Variants in ADGRL2 observed in about 807,000 individuals in gnomAD.
The protein encoded by ADGRL2 is calcium-independent alpha-latrotoxin receptor 2.
Under a neutral mutation model 157.4 loss-of-function variants are expected in ADGRL2, and 44 were observed. The ratio of observed to expected loss-of-function variants is 0.28; its 90% CI spans 0.22 to 0.36. ADGRL2 has a LOEUF of 0.36. Among genes scored for constraint, ADGRL2 ranks in the 10% least tolerant of loss-of-function variants. ADGRL2 has a pLI of 1.00. For synonymous variants in ADGRL2, 585 were observed against 624.7 expected, an observed-to-expected ratio of 0.94 and a Z score of 0.95; for missense variants, 1,510 against 1,768.9, an observed-to-expected ratio of 0.85 and a Z score of 2.63.
chr1:81,914,104 G>T (rs928198466), intron 3 of ADGRL2, among the ~76,000 whole-genome samples: 1 of 152,014 alleles, frequency 6.6e-6, no homozygotes, highest in Non-Finnish European at 1.5e-5. Context: ...AGTTCTGCCA[G>T]TGTACTCTGG....
chr1:81,874,993 C>T (rs1405729439), intron 2 of ADGRL2, among the ~76,000 whole-genome samples: 1 of 152,110 alleles, frequency 6.6e-6, no homozygotes, highest in East Asian at 1.9e-4. Flanking sequence ...TGGTATGAGC[C>T]ATCGAACCTG....
chr1:81,972,287 A>G (rs901642417), intron 17 of ADGRL2, among the ~76,000 whole-genome samples: 3 of 152,100 alleles, frequency 2.0e-5, no homozygotes, highest in Admixed American at 2.0e-4. Flanking sequence ...ATGAATTACT[A>G]TGTAATTCTA....
intron 11 of ADGRL2, among the ~76,000 whole-genome samples, chr1:81,959,997 A>T (rs1654815373): frequency 6.6e-6 from 1 of 151,912 alleles, no homozygotes; most frequent in Non-Finnish European, 1.5e-5. Context: ...ACGGGATTTC[A>T]CCATGTTGGT....
At chr1:81,402,684 T>G (rs994717637) in intron 1 of ADGRL2, among the ~76,000 whole-genome samples, 10 of 152,334 alleles carry the variant, frequency 6.6e-5, no homozygotes, top group African/African-American at 2.4e-4. Context: ...TCCTATTGTC[T>G]TCCATTTTCT....
chr1:81,620,224 T>C (rs2081760029), intron 3 of ADGRL2, among the ~76,000 whole-genome samples: 1 of 152,188 alleles, frequency 6.6e-6, no homozygotes, highest in Admixed American at 6.5e-5. Context: ...GCAATACTGG[T>C]ACATGGGTAC....
rs541766730 is a variant in ADGRL2 at position 81,753,316 on chromosome 1, G to A, written c.-142-8495G>A. ...AGAGAGCTTGTGCAGAGAAACTCCC[G>A]TTTTTAAAACCAACAGATCTTGAGA... On this transcript the variant is annotated intron_variant, in intron 1 of 20. Coordinates refer to the ADGRL2 transcript ENST00000359929. Among the ~76,000 whole-genome samples, 8 of 152,194 alleles carry A rather than the reference G, an allele frequency of 5.3e-5. No individual in the cohort carries two copies. In the South Asian group the frequency reaches 6.2e-4, roughly 12 times the overall value.
intron 1 of ADGRL2, among the ~76,000 whole-genome samples, chr1:81,826,460 A>G (rs967703234): frequency 1.3e-5 from 2 of 152,172 alleles, no homozygotes; most frequent in African/African-American, 2.4e-5. Context: ...GAGATTTATT[A>G]AGCCTGAATT....
intron 3 of ADGRL2, among the ~76,000 whole-genome samples, chr1:81,649,800 A>T (rs1432029585): frequency 6.6e-6 from 1 of 152,148 alleles, no homozygotes; most frequent in Non-Finnish European, 1.5e-5. Context: ...AGTTAAACGC[A>T]TTCTCAGCCA....
At chr1:81,750,434 T>C (rs2085452800) in intron 1 of ADGRL2, among the ~76,000 whole-genome samples, 1 of 152,130 alleles carries the variant, frequency 6.6e-6, no homozygotes, top group Non-Finnish European at 1.5e-5. Flanking sequence ...AGAGAGAAAG[T>C]ATGGCTGGGC....
At chr1:81,592,504 T>C (rs1183784033) in intron 3 of ADGRL2, among the ~76,000 whole-genome samples, 1 of 152,176 alleles carries the variant, frequency 6.6e-6, no homozygotes, top group Non-Finnish European at 1.5e-5. Context: ...CTTATTGCCA[T>C]CCACCTCCCG....
At chr1:81,906,962 ATAATT>A in intron 2 of ADGRL2, 50 bp from the exon 3 acceptor site, 3 of 1,384,890 alleles carry the variant, frequency 2.2e-6, no homozygotes, top group Non-Finnish European at 3.0e-6. Context: ...CTTTACTAAA[ATAATT>A]TATCTTATAA....
In ADGRL2 at chr1:81,952,026, G is replaced by C. The variant is rs564846501; in HGVS notation, c.1678G>C (p.Ala560Pro). The C allele has an allele frequency of 6.2e-7, 1 of 1,613,748 alleles. No homozygotes were observed. Among genetic ancestry groups the C allele is most frequent in the African/African-American group, 1.3e-5 (1 of 75,012 alleles). ...LAKHTKGPVFAGDVSSSVRLM... is the reference protein window; with the variant it reads ...LAKHTKGPVFPGDVSSSVRLM... Reference sequence around the variant, plus strand: ...TAAACATACCAAAGGGCCAGTGTTTGCTGGGGATGTAAGTTCTTCAGTGAG... The same window carrying C: ...TAAACATACCAAAGGGCCAGTGTTTCCTGGGGATGTAAGTTCTTCAGTGAG... Residue 560 changes from alanine to proline, a missense_variant, in exon 9 of 24, where the codon GCT (alanine) becomes CCT (proline). By Grantham distance (27) the Ala-to-Pro change is conservative (BLOSUM62 -1). Transcript: ENST00000686636.
intron 2 of ADGRL2, among the ~76,000 whole-genome samples, chr1:81,534,405 A>G (rs1426110450): frequency 6.6e-6 from 1 of 152,142 alleles, no homozygotes; most frequent in Non-Finnish European, 1.5e-5. Flanking sequence ...CTGGTGATCC[A>G]CCAGCCTTGG....
intron 1 of ADGRL2, among the ~76,000 whole-genome samples, 197 bp from the exon 2 acceptor site, chr1:81,836,688 G>A (rs567613833): frequency 1.6e-4 from 25 of 152,156 alleles, no homozygotes; most frequent in Middle Eastern, 3.4e-3. Context: ...TGTCAAAAAG[G>A]CAGTCAACCT....
At position 81,952,126 on chromosome 1, in the gene ADGRL2, G is replaced by C. The variant is rs1340875631; in HGVS notation, c.1778G>C (p.Gly593Ala). ...AAACCTAGTGAAAAAGATTCAGCTG[G>C]ACGGAGTTATAACAAGGTAGAGAGA... ...ELKPSEKDSA[G>A]RSYNKLQKRE... The change falls in exon 9 of 24, where the codon GGA (glycine) becomes GCA (alanine). Residue 593 changes from glycine to alanine, a missense_variant. Physicochemically the swap from Gly to Ala is moderately conservative, Grantham distance 60. Around this residue, in one of 4 missense-constraint regions of ADGRL2, gnomAD observed 325 missense variants for 333.2 expected, o/e 0.98. Transcript: ENST00000686636. 1 of 1,612,050 alleles carries C rather than the reference G, an allele frequency of 6.2e-7. No individual in the cohort carries two copies.
intron 3 of ADGRL2, among the ~76,000 whole-genome samples, chr1:81,635,765 G>A (rs1228485592): frequency 1.3e-5 from 2 of 152,124 alleles, no homozygotes; most frequent in African/African-American, 4.8e-5. Context: ...GTGGATTTGT[G>A]GGGGGCACAT....
intron 2 of ADGRL2, among the ~76,000 whole-genome samples, chr1:81,887,087 A>G (rs1463384452): frequency 6.6e-6 from 1 of 152,244 alleles, no homozygotes; most frequent in Non-Finnish European, 1.5e-5. Context: ...ATGGAATATT[A>G]TAAGTAAATT....
At chr1:81,895,887 G>A (rs2151517647) in intron 2 of ADGRL2, among the ~76,000 whole-genome samples, 1 of 152,216 alleles carries the variant, frequency 6.6e-6, no homozygotes, top group Non-Finnish European at 1.5e-5. Context: ...ATGAGTTTTA[G>A]CATCAGTGAC....
intron 2 of ADGRL2, among the ~76,000 whole-genome samples, chr1:81,868,097 T>C (rs916762500): frequency 2.9e-5 from 3 of 104,146 alleles, no homozygotes; most frequent in African/African-American, 7.3e-5. Context: ...GTGTGTGTGA[T>C]AAAAATTATT....
Sources: gnomAD v4.1 joint callset for allele counts (sites outside exome capture counted in the v4.1 genomes callset) on GRCh38, gnomAD v4.1.1 for gene constraint, gnomAD v4.1.1 regional missense constraint, MANE v1.5 for transcripts, NCBI Gene and HGNC (gene_info 2026-07-23, HGNC 2026-07-21) for gene names.